Variants in PHF14 observed in about 807,000 individuals in gnomAD.
PHF14 encodes the protein PHD finger protein 14.
A neutral mutation model predicts 117.9 loss-of-function variants in PHF14; 55 were observed. The ratio of observed to expected loss-of-function variants is 0.47; its 90% CI spans 0.38 to 0.58. PHF14 has a LOEUF of 0.58. PHF14 is among the 20% of genes least tolerant of loss of function. The probability of loss-of-function intolerance (pLI) is 0.00; values close to 1 mark genes in which losing one functional copy is unlikely to be tolerated. For missense variants in PHF14, 978 were observed against 1,122.2 expected (o/e 0.87, Z 1.84); for synonymous variants, 409 against 368.6 (o/e 1.11, Z -1.26).
Position 10,990,778 on chromosome 7 carries a change from C to G in PHF14, c.976C>G (p.Leu326Val), listed in dbSNP as rs146985983. ...CCATATTCTGATTTGCTGTGTTTGTCTGGGAGATAATAGTGAGGACGCTGA... is the reference window on the plus strand; with the variant it reads ...CCATATTCTGATTTGCTGTGTTTGTGTGGGAGATAATAGTGAGGACGCTGA... ...MDHILICCVC[L>V]GDNSEDADEI... Residue 326 changes from leucine (L) to valine (V), a missense_variant, in exon 4 of 18, where the codon CTG becomes GTG. Physicochemically the swap from Leu to Val is conservative, Grantham distance 32. Transcript: ENST00000634607. 1 of 1,583,628 alleles carries G rather than the reference C, an allele frequency of 6.3e-7. No homozygotes were observed. The highest frequency in any genetic ancestry group is 1.3e-5 in the African/African-American group (1 of 74,506).
At chr7:11,168,683 G>A (rs1315465905) in intron 17 of PHF14, among the ~76,000 whole-genome samples, 1 of 152,102 alleles carries the variant, frequency 6.6e-6, no homozygotes, top group Admixed American at 6.5e-5. Flanking sequence ...AGACTGTTTT[G>A]TACTTGGGTG....
At chr7:11,149,682 C>T (rs373779137) in intron 17 of PHF14, among the ~76,000 whole-genome samples, 1 of 152,086 alleles carries the variant, frequency 6.6e-6, no homozygotes, top group South Asian at 2.1e-4. Context: ...TAAAAGAATG[C>T]TGATACAGAA....
intron 14 of PHF14, among the ~76,000 whole-genome samples, chr7:11,059,608 T>C (rs1017649214): frequency 1.1e-4 from 17 of 152,022 alleles, no homozygotes; most frequent in Non-Finnish European, 2.2e-4. Flanking sequence ...ACCCGTTCTC[T>C]AGTAAAAATG....
At chr7:11,115,645 C>T (rs1477617922) in intron 17 of PHF14, among the ~76,000 whole-genome samples, 1 of 152,016 alleles carries the variant, frequency 6.6e-6, no homozygotes, top group East Asian at 1.9e-4. Context: ...TATATTATTA[C>T]TGTCTGATCC....
chr7:11,151,849 C>T (rs1374670757), intron 17 of PHF14, among the ~76,000 whole-genome samples: 1 of 152,102 alleles, frequency 6.6e-6, no homozygotes, highest in Non-Finnish European at 1.5e-5. Context: ...TATTTTAAGA[C>T]ATAAGAACAG....
At chr7:11,143,249 A>T (rs1384943107) in intron 17 of PHF14, among the ~76,000 whole-genome samples, 4 of 152,118 alleles carry the variant, frequency 2.6e-5, no homozygotes, top group African/African-American at 7.2e-5. Context: ...TATAAACTTC[A>T]TTTAGCATAA....
At chr7:11,091,533 A>C (rs192243938) in intron 16 of PHF14, among the ~76,000 whole-genome samples, 193 of 152,278 alleles carry the variant, frequency 1.3e-3, no homozygotes, top group South Asian at 7.3e-3. Context: ...AGGTAGGCAG[A>C]TCAGTTGAGC....
intron 17 of PHF14, among the ~76,000 whole-genome samples, chr7:11,158,675 A>C (rs1337779444): frequency 1.3e-5 from 2 of 152,116 alleles, no homozygotes; most frequent in Admixed American, 1.3e-4. Context: ...TTTCATACAA[A>C]CAATGGGGAT....
At chr7:10,983,650 A>G (rs891556921) in intron 3 of PHF14, among the ~76,000 whole-genome samples, 2 of 152,152 alleles carry the variant, frequency 1.3e-5, no homozygotes, top group African/African-American at 4.8e-5. Flanking sequence ...TAATTCCTTT[A>G]CCAGTTGTAG....
intron 16 of PHF14, chr7:11,062,699 A>T (rs1459361714): frequency 2.0e-6 from 2 of 984,998 alleles, no homozygotes; most frequent in Middle Eastern, 5.2e-4. Context: ...ATCTTAGCTG[A>T]TGCTGCACAT....
At chr7:11,077,550 C>T (rs1466552252) in intron 16 of PHF14, among the ~76,000 whole-genome samples, 1 of 144,374 alleles carries the variant, frequency 6.9e-6, no homozygotes, top group African/African-American at 2.6e-5. Context: ...GTAGTGAGCC[C>T]AGATCGCGCC....
intron 16 of PHF14, among the ~76,000 whole-genome samples, chr7:11,099,496 G>C (rs1379179878): frequency 6.6e-6 from 1 of 152,066 alleles, no homozygotes; most frequent in Non-Finnish European, 1.5e-5. Context: ...ATAATTTCAA[G>C]CACCTACAGC....
chr7:11,157,127 T>C (rs1788884846), intron 17 of PHF14, among the ~76,000 whole-genome samples: 1 of 152,196 alleles, frequency 6.6e-6, no homozygotes, highest in Non-Finnish European at 1.5e-5. Flanking sequence ...TCTACCACAC[T>C]GGGGCATGAG....
chr7:11,029,591 G>T (rs1455373031), intron 7 of PHF14, among the ~76,000 whole-genome samples: 1 of 152,048 alleles, frequency 6.6e-6, no homozygotes, highest in Non-Finnish European at 1.5e-5. Flanking sequence ...TAGTAAAAGT[G>T]TATACTTCGG....
intron 16 of PHF14, among the ~76,000 whole-genome samples, chr7:11,094,089 C>T (rs569243051): frequency 6.6e-6 from 1 of 152,156 alleles, no homozygotes; most frequent in African/African-American, 2.4e-5. Flanking sequence ...ACTGTGGTGG[C>T]CGCTCCCCTT....
chr7:11,126,341 G>T (rs1430664152), intron 17 of PHF14, among the ~76,000 whole-genome samples: 2 of 151,948 alleles, frequency 1.3e-5, no homozygotes, highest in African/African-American at 4.8e-5. Context: ...TGTGAATGAA[G>T]TACATATTTT....
chr7:11,107,376 G>A, intron 16 of PHF14: 2 of 875,782 alleles, frequency 2.3e-6, no homozygotes, highest in Middle Eastern at 6.0e-4. Context: ...ACTACATTTT[G>A]TTAATGGGTA....
chr7:11,046,872 A>G (rs6967802), intron 13 of PHF14, among the ~76,000 whole-genome samples: 1 of 152,104 alleles, frequency 6.6e-6, no homozygotes, highest in African/African-American at 2.4e-5. Context: ...ATAAGAAAAA[A>G]AAAAACTCTG....
intron 14 of PHF14, among the ~76,000 whole-genome samples, chr7:11,060,683 T>C (rs1482021481): frequency 6.6e-6 from 1 of 152,218 alleles, no homozygotes; most frequent in Non-Finnish European, 1.5e-5. Context: ...GTCAGAATTG[T>C]AGATGCAGGA....
Sources: allele counts gnomAD v4.1 joint callset (sites outside exome capture counted in the v4.1 genomes callset), GRCh38; gene constraint gnomAD v4.1.1; transcripts MANE v1.5; gene names NCBI Gene and HGNC (gene_info 2026-07-23, HGNC 2026-07-21).